FGGY: variants seen among roughly 807,000 people sequenced by gnomAD.
FGGY encodes FGGY carbohydrate kinase domain-containing protein.
In FGGY, 72 loss-of-function variants were observed where a neutral mutation model predicts 71.3. That is an observed-to-expected ratio of 1.01 (90% CI 0.84 to 1.23). The LOEUF is 1.23. Ranked by LOEUF, FGGY falls within the 50% of genes most tolerant of loss-of-function variation. FGGY has a pLI of 0.00. For missense variants in FGGY, 668 were observed against 682.3 expected (o/e 0.98, Z 0.23); for synonymous variants, 251 against 250.3 (o/e 1.00, Z -0.02).
chr1:59,706,183 TCTC>T (rs1464407494), intron 14 of FGGY, among the ~76,000 whole-genome samples: 6 of 152,158 alleles, frequency 3.9e-5, no homozygotes, highest in Non-Finnish European at 8.8e-5. Context: ...TTTGAGATCA[TCTC>T]CTCTTCTCCT....
chr1:59,760,636 A>G (rs2098333481), intron 15 of FGGY, among the ~76,000 whole-genome samples: 1 of 152,248 alleles, frequency 6.6e-6, no homozygotes, highest in Non-Finnish European at 1.5e-5. Context: ...AATTTCTGAC[A>G]TGCCACACAT....
intron 14 of FGGY, among the ~76,000 whole-genome samples, chr1:59,730,270 T>C (rs1219896181): frequency 6.6e-6 from 1 of 151,898 alleles, no homozygotes; most frequent in African/African-American, 2.4e-5. Context: ...AGTTCTCTTA[T>C]GGATCCAACA....
intron 14 of FGGY, among the ~76,000 whole-genome samples, chr1:59,720,331 G>GA (rs916689233): frequency 5.3e-5 from 8 of 152,090 alleles, no homozygotes; most frequent in African/African-American, 1.7e-4. Flanking sequence ...ATGTCAGGGG[G>GA]AAAAAAAGGT....
At chr1:59,610,146 A>G (rs2096660676) in intron 9 of FGGY, among the ~76,000 whole-genome samples, 1 of 152,330 alleles carries the variant, frequency 6.6e-6, no homozygotes, top group Non-Finnish European at 1.5e-5. Flanking sequence ...TATGTGTGCC[A>G]TGGTGGTTTC....
At chr1:59,425,609 T>C (rs1185851847) in intron 5 of FGGY, among the ~76,000 whole-genome samples, 1 of 152,222 alleles carries the variant, frequency 6.6e-6, no homozygotes, top group Non-Finnish European at 1.5e-5. Flanking sequence ...CCTGTGTTCC[T>C]ATAGACATTG....
chr1:59,462,189 G>C (rs957096790), intron 6 of FGGY, among the ~76,000 whole-genome samples: 31 of 152,180 alleles, frequency 2.0e-4, no homozygotes, highest in African/African-American at 7.0e-4. Flanking sequence ...ACAAACCTGA[G>C]AAAAACAAGA....
At chr1:59,699,802 G>A (rs537384115) in intron 14 of FGGY, among the ~76,000 whole-genome samples, 7 of 152,254 alleles carry the variant, frequency 4.6e-5, no homozygotes, top group East Asian at 1.9e-4. Context: ...GGCATGTCCC[G>A]CGTTGATTGC....
intron 11 of FGGY, among the ~76,000 whole-genome samples, chr1:59,651,878 C>T (rs2097165460): frequency 6.6e-6 from 1 of 152,002 alleles, no homozygotes; most frequent in Admixed American, 6.6e-5. Flanking sequence ...CATGATTTTG[C>T]AGCGGCTGGT....
chr1:59,696,090 A>T (rs927582511), intron 14 of FGGY, among the ~76,000 whole-genome samples: 4 of 152,206 alleles, frequency 2.6e-5, no homozygotes, highest in African/African-American at 9.6e-5. Context: ...GAGAAATATG[A>T]ACCAGCACAT....
intron 8 of FGGY, among the ~76,000 whole-genome samples, chr1:59,596,682 C>T (rs2096528114): frequency 6.6e-6 from 1 of 152,184 alleles, no homozygotes; most frequent in Non-Finnish European, 1.5e-5. Context: ...ATAGGTCACC[C>T]TGCTGATTGC....
chr1:59,725,961 G>T (rs2097942614), intron 14 of FGGY, among the ~76,000 whole-genome samples: 2 of 152,118 alleles, frequency 1.3e-5, no homozygotes, highest in South Asian at 4.1e-4. Flanking sequence ...TTGAATAGGA[G>T]TGGTGAGAAA....
At chr1:59,618,846 A>G (rs2096782269) in intron 9 of FGGY, among the ~76,000 whole-genome samples, 2 of 152,154 alleles carry the variant, frequency 1.3e-5, no homozygotes, top group East Asian at 1.9e-4. Context: ...GTCAATTAGC[A>G]TTGACACGAT....
intron 5 of FGGY, among the ~76,000 whole-genome samples, chr1:59,426,422 G>T (rs2066378656): frequency 6.6e-6 from 1 of 152,132 alleles, no homozygotes. Context: ...GAAGAGTCAA[G>T]GAGGATGAAT....
At chr1:59,588,482 C>A (rs1283911594) in intron 8 of FGGY, among the ~76,000 whole-genome samples, 3 of 152,052 alleles carry the variant, frequency 2.0e-5, no homozygotes, top group Non-Finnish European at 4.4e-5. Context: ...AACTCCAAGA[C>A]ACATAATTGT....
chr1:59,346,607 G>T (rs1380943262), intron 4 of FGGY, among the ~76,000 whole-genome samples: 1 of 152,098 alleles, frequency 6.6e-6, no homozygotes, highest in Non-Finnish European at 1.5e-5. Flanking sequence ...ACTGTGACAA[G>T]TATTGTACAC....
intron 6 of FGGY, among the ~76,000 whole-genome samples, chr1:59,496,718 A>G (rs2094045642): frequency 6.6e-6 from 1 of 152,176 alleles, no homozygotes; most frequent in Non-Finnish European, 1.5e-5. Flanking sequence ...ACAAATAAAT[A>G]AATAAAATGT....
rs1006464232 is a variant in FGGY at position 59,541,791 on chromosome 1, G to A, written c.800-12333G>A. The stretch of plus-strand genomic sequence containing the variant: ...GATAACACCATTTCAACAGCTTAAT[G>A]GTTAGAAAGAAGTATGATTTCTGGA... On this transcript the variant is annotated intron_variant, in intron 7 of 15. Transcript: ENST00000303721. 4.6e-5 allele frequency among the ~76,000 whole-genome samples: 7 copies of A among 152,084 alleles called. 1 individual carries two copies. The highest frequency in any genetic ancestry group is 1.0e-4 in the Non-Finnish European group (7 of 68,004).
intron 7 of FGGY, among the ~76,000 whole-genome samples, chr1:59,534,471 A>T (rs1219443784): frequency 6.6e-6 from 1 of 152,022 alleles, no homozygotes; most frequent in Non-Finnish European, 1.5e-5. Context: ...GATTCAGGAA[A>T]TACAGAGAAC....
chr1:59,455,685 GAAGCA>G, intron 5 of FGGY, among the ~76,000 whole-genome samples: 1 of 152,308 alleles, frequency 6.6e-6, no homozygotes, highest in Admixed American at 6.5e-5. Context: ...GCAATATGAA[GAAGCA>G]GTTACTTACC....
Sources: gnomAD v4.1 joint callset for allele counts (sites outside exome capture counted in the v4.1 genomes callset) on GRCh38, gnomAD v4.1.1 for gene constraint, MANE v1.5 for transcripts, NCBI Gene and HGNC (gene_info 2026-07-23, HGNC 2026-07-21) for gene names.